LRP10: variants seen among roughly 807,000 people sequenced by gnomAD.
The protein encoded by LRP10 is low-density lipoprotein receptor-related protein 10.
Under a neutral mutation model 58.5 loss-of-function variants are expected in LRP10, and 42 were observed. The ratio of observed to expected loss-of-function variants is 0.72; its 90% CI spans 0.56 to 0.93. The LOEUF (loss-of-function observed/expected upper bound fraction) is 0.93. LRP10 is among the 40% of genes least tolerant of loss of function. LRP10 has a pLI of 0.00. For synonymous variants in LRP10, 377 were observed against 388.5 expected (o/e 0.97, Z 0.35); for missense variants, 872 against 940.1 (o/e 0.93, Z 0.95).
chr14:22,873,336 C>T lies in LRP10; in HGVS notation c.105C>T (p.Leu35=), dbSNP rs1360408227. Residue 35 remains leucine (L), a synonymous_variant, in exon 3 of 7, where the codon CTC becomes CTT. Transcript: ENST00000359591. ...CTTGTGAGGACCCCCCAGCAGTGCT[C>T]TTAGAAGTGCAGGGCACCTTACAGA... ...NHACEDPPAV[L]LEVQGTLQRP... is the part of the protein sequence containing the mutation. The T allele has an allele frequency of 6.2e-7, 1 of 1,614,110 alleles. No homozygotes were observed. The highest frequency in any genetic ancestry group is 8.5e-7 in the Non-Finnish European group (1 of 1,179,994).
chr14:22,876,350 G>A lies in LRP10; in HGVS notation c.1402G>A (p.Ala468Thr). ...IALGCTCKLYAIRTQEYSIFA... is the reference protein window; with the variant it reads ...IALGCTCKLYTIRTQEYSIFA... The stretch of plus-strand genomic sequence containing the variant: ...CCTGGGCTGCACCTGCAAGCTCTAT[G>A]CCATTCGCACCCAGGAGTACAGGTC... The change falls in exon 5 of 7, where the codon GCC becomes ACC. Residue 468 changes from alanine to threonine, a missense_variant. Physicochemically the swap from Ala to Thr is moderately conservative, Grantham distance 58 (BLOSUM62 0). Coordinates refer to ENST00000359591, the MANE Select transcript of LRP10 (RefSeq NM_014045.5). The A allele has an allele frequency of 6.2e-7, 1 of 1,613,954 alleles. No individual in the cohort carries two copies. The highest frequency in any genetic ancestry group is 8.5e-7 in the Non-Finnish European group (1 of 1,180,010).
chr14:22,876,603 G>A (rs1170919500), intron 5 of LRP10, 86 bp from the exon 6 acceptor site: 7 of 1,542,178 alleles, frequency 4.5e-6, no homozygotes, highest in Non-Finnish European at 5.3e-6. Flanking sequence ...CCTGGCCCGG[G>A]TGTGGAAGTG....
Position 22,872,770 on chromosome 14 carries a change from T to C in LRP10, c.67T>C (p.Phe23Leu). Residue 23 changes from phenylalanine (F) to leucine (L), a missense_variant, in exon 2 of 7, where the codon TTT becomes CTT. Transcript: ENST00000359591. ...GALAHPDRIIFPNHACEDPPA... is the reference protein window; with the variant it reads ...GALAHPDRIILPNHACEDPPA... ...TCTGGCCCATCCAGACCGGATTATT[T>C]TTCCAAATCATGGTGAGTTGAGGGA... 9 of 1,614,148 alleles carry C rather than the reference T, an allele frequency of 5.6e-6. No homozygotes were observed. The highest frequency in any genetic ancestry group is 7.6e-6 in the Non-Finnish European group (9 of 1,180,016).
In LRP10 at chr14:22,872,801, T is replaced by A; in HGVS notation, c.79+19T>A. The A allele has an allele frequency of 6.2e-7, 1 of 1,613,800 alleles. No individual in the cohort carries two copies. On this transcript the variant is annotated intron_variant, in intron 2 of 6. Coordinates refer to ENST00000359591, the MANE Select transcript of LRP10 (RefSeq NM_014045.5). Reference sequence around the variant, plus strand: ...AATCATGGTGAGTTGAGGGAACCTCTGGGGCTCCGTGGGCTTGGGAATGAG... The same window carrying A: ...AATCATGGTGAGTTGAGGGAACCTCAGGGGCTCCGTGGGCTTGGGAATGAG...
chr14:22,875,336 C>T lies in LRP10; in HGVS notation c.407-19C>T. ...AGGGTTCTGGTGCTTCACAGCCCCTCTCCATGGTGCCTCTGCAGATTGGCT... is the reference window on the plus strand; with the variant it reads ...AGGGTTCTGGTGCTTCACAGCCCCTTTCCATGGTGCCTCTGCAGATTGGCT... On this transcript the variant is annotated intron_variant, in intron 4 of 6. Coordinates refer to ENST00000359591, the MANE Select transcript of LRP10 (RefSeq NM_014045.5). 4 of 1,602,818 alleles carry T rather than the reference C, an allele frequency of 2.5e-6. No individual in the cohort carries two copies. The East Asian group carries it at 8.9e-5, about 36-fold the overall frequency.
At chr14:22,872,701 T>C (rs534519980) in intron 1 of LRP10, 37 bp from the exon 2 acceptor site, 1 of 1,603,424 alleles carries the variant, frequency 6.2e-7, no homozygotes, top group East Asian at 2.2e-5. Context: ...TCCTAAGGAG[T>C]GTCTCACGCT....
rs1380624466 is a variant in LRP10, at chr14:22,873,329, C to G, written c.98C>G (p.Ala33Gly). The G allele has an allele frequency of 1.2e-6, 2 of 1,613,974 alleles. No homozygotes were observed. Among genetic ancestry groups the G allele is most frequent in the African/African-American group, 2.7e-5 (2 of 74,922 alleles). ...FPNHACEDPP[A>G]VLLEVQGTLQ... The stretch of plus-strand genomic sequence containing the variant: ...TCTCCAGCTTGTGAGGACCCCCCAG[C>G]AGTGCTCTTAGAAGTGCAGGGCACC... Residue 33 changes from alanine to glycine, a missense_variant, in exon 3 of 7, where the codon GCA becomes GGA. By Grantham distance (60) the Ala-to-Gly change is moderately conservative. Coordinates refer to ENST00000359591, the MANE Select transcript of LRP10 (RefSeq NM_014045.5).
In LRP10 at chr14:22,877,698, C is replaced by T. The variant is rs2040023439; in HGVS notation, c.*171C>T. 2 of 558,882 alleles carry T rather than the reference C, an allele frequency of 3.6e-6. No individual in the cohort carries two copies. The highest frequency in any genetic ancestry group is 6.2e-6 in the Non-Finnish European group (2 of 321,190). 34.6% of individuals were successfully genotyped at this position (558,882 alleles called of 1,614,324 possible). Reference sequence around the variant, plus strand: ...ATGTAGCTGCTATAAAGTTAAGTGTCCCTCAGGCAGGGAGAGGGCTCACAG... The same window carrying T: ...ATGTAGCTGCTATAAAGTTAAGTGTTCCTCAGGCAGGGAGAGGGCTCACAG... On this transcript the variant is annotated 3_prime_UTR_variant, in exon 7 of 7. Coordinates refer to ENST00000359591, the MANE Select transcript of LRP10 (RefSeq NM_014045.5). The surrounding 1 kb of genome is among the most constrained non-coding windows in gnomAD (Gnocchi z 5.1).
rs1180754542 is a variant in LRP10, at chr14:22,880,722, T to A, written c.*3195T>A. On this transcript the variant is annotated 3_prime_UTR_variant, in exon 7 of 7. Coordinates refer to ENST00000359591, the MANE Select transcript of LRP10 (RefSeq NM_014045.5). Reference sequence around the variant, plus strand: ...CCTAGGTGGTTAGAGAGTGAGTGCCTGGATGGGGCGCAGTGGCTCACACCT... The same window carrying A: ...CCTAGGTGGTTAGAGAGTGAGTGCCAGGATGGGGCGCAGTGGCTCACACCT... The A allele has an allele frequency of 6.6e-6, 1 of 151,822 alleles. No homozygotes were observed. The highest frequency in any genetic ancestry group is 1.9e-4 in the East Asian group (1 of 5,158). The allele number at this position is 151,822 out of a possible 1,614,324, so 9.4% of individuals were successfully genotyped here. A position where few individuals can be genotyped will look rare whatever the true frequency, so the allele number is the denominator to read the frequency against.
chr14:22,872,677 G>A, intron 1 of LRP10, 61 bp from the exon 2 acceptor site: 1 of 1,560,374 alleles, frequency 6.4e-7, no homozygotes, highest in Non-Finnish European at 8.8e-7. Flanking sequence ...AGTTGCTCAG[G>A]TGAAGAAGAA....
Position 22,875,177 on chromosome 14 carries a change from C to G in LRP10, c.338C>G (p.Thr113Ser). ...CTGCAGCTGCCCGGGGGCAACGTCA[C>G]CATCACTTACAGCTATGCTGGGGCC... ...SPLQLPGGNV[T>S]ITYSYAGARA... is the part of the protein sequence containing the mutation. The change falls in exon 4 of 7, where the codon ACC (threonine) becomes AGC (serine). Residue 113 changes from threonine (T) to serine (S), a missense_variant. By Grantham distance (58) the Thr-to-Ser change is moderately conservative (BLOSUM62 1). Coordinates refer to ENST00000359591, the MANE Select transcript of LRP10 (RefSeq NM_014045.5). The G allele has an allele frequency of 6.2e-7, 1 of 1,613,514 alleles. No homozygotes were observed. The highest frequency in any genetic ancestry group is 8.5e-7 in the Non-Finnish European group (1 of 1,179,710).
chr14:22,872,174 C>A lies in LRP10; in HGVS notation c.-130C>A, dbSNP rs916632677. On this transcript the variant is annotated 5_prime_UTR_variant, in exon 1 of 7. Transcript: ENST00000359591. ...CAGCCCTGGCATCCAGAGTACGGGTCGAGCCCGGGCCATGGAGCCCCCCTG... is the reference window on the plus strand; with the variant it reads ...CAGCCCTGGCATCCAGAGTACGGGTAGAGCCCGGGCCATGGAGCCCCCCTG... 1 of 931,892 alleles carries A rather than the reference C, an allele frequency of 1.1e-6. No individual in the cohort carries two copies. Among genetic ancestry groups the A allele is most frequent in the Admixed American group, 1.9e-5 (1 of 53,530 alleles). The allele number at this position is 931,892 out of a possible 1,614,324, so 57.7% of individuals were successfully genotyped here. A position where few individuals can be genotyped will look rare whatever the true frequency, so the allele number is the denominator to read the frequency against.
chr14:22,872,764 A>T lies in LRP10; in HGVS notation c.61A>T (p.Ile21Phe), dbSNP rs776030094. The change falls in exon 2 of 7, where the codon ATT becomes TTT. Residue 21 changes from isoleucine to phenylalanine, a missense_variant. Transcript: ENST00000359591. ...LGGALAHPDR[I>F]IFPNHACEDP... ...AGGCGCTCTGGCCCATCCAGACCGGATTATTTTTCCAAATCATGGTGAGTT... is the reference window on the plus strand; with the variant it reads ...AGGCGCTCTGGCCCATCCAGACCGGTTTATTTTTCCAAATCATGGTGAGTT... 42 of 1,614,018 alleles carry T rather than the reference A, an allele frequency of 2.6e-5. No homozygotes were observed. The highest frequency in any genetic ancestry group is 3.4e-5 in the Non-Finnish European group (40 of 1,179,984).
chr14:22,872,859 A>G, intron 2 of LRP10, 77 bp downstream of exon 2: 7 of 1,461,468 alleles, frequency 4.8e-6, no homozygotes, highest in Non-Finnish European at 6.7e-6. Flanking sequence ...TGTTCCCTGA[A>G]TTCCATGGGA....
At position 22,877,575 on chromosome 14, in the gene LRP10, A is replaced by G; in HGVS notation, c.*48A>G. ...GGCCTCTCCCCTGGGGGCTCTACTC[A>G]TAGTGGCACAACCTTTTAGAGGTGG... On this transcript the variant is annotated 3_prime_UTR_variant, in exon 7 of 7. Coordinates refer to ENST00000359591, the MANE Select transcript of LRP10 (RefSeq NM_014045.5). The surrounding 1 kb of genome is among the most constrained non-coding windows in gnomAD (Gnocchi z 5.1). 7.2e-7 allele frequency: 1 copy of G among 1,392,892 alleles called. No individual in the cohort carries two copies. Among genetic ancestry groups the G allele is most frequent in the Non-Finnish European group, 9.6e-7 (1 of 1,046,070 alleles). The allele number at this position is 1,392,892 out of a possible 1,614,324, so 86.3% of individuals were successfully genotyped here. A position where few individuals can be genotyped will look rare whatever the true frequency, so the allele number is the denominator to read the frequency against.
intron 5 of LRP10, 150 bp downstream of exon 5, chr14:22,876,522 C>T: frequency 7.5e-6 from 10 of 1,325,554 alleles, no homozygotes; most frequent in Non-Finnish European, 1.0e-5. Context: ...AGGTCCAGAT[C>T]CTGAAAGCAG....
rs1404922620 is a variant in LRP10 at position 22,881,134 on chromosome 14, A to G, written c.*3607A>G. 6.6e-6 allele frequency: 1 copy of G among 152,246 alleles called. No homozygotes were observed. Among genetic ancestry groups the G allele is most frequent in the Admixed American group, 6.5e-5 (1 of 15,284 alleles). The allele number at this position is 152,246 out of a possible 1,614,324, so 9.4% of individuals were successfully genotyped here. ...GCTCAGGAGGAGCTTTAGGGAAATCAGAAGACTGGCCCAGTCTCTACCAAG... is the reference window on the plus strand; with the variant it reads ...GCTCAGGAGGAGCTTTAGGGAAATCGGAAGACTGGCCCAGTCTCTACCAAG... On this transcript the variant is annotated 3_prime_UTR_variant, in exon 7 of 7. Transcript: ENST00000359591.
intron 5 of LRP10, 41 bp from the exon 6 acceptor site, chr14:22,876,648 C>G: frequency 6.2e-7 from 1 of 1,601,854 alleles, no homozygotes; most frequent in Non-Finnish European, 8.5e-7. Context: ...TCTACTCTGG[C>G]CGAGAACTAC....
intron 1 of LRP10, 113 bp downstream of exon 1, chr14:22,872,450 G>A: frequency 7.9e-7 from 1 of 1,262,622 alleles, no homozygotes; most frequent in Non-Finnish European, 1.1e-6. Flanking sequence ...CCCAGCCCCT[G>A]CCGCCAGCCC....
Sources: gnomAD v4.1 joint callset for allele counts on GRCh38, gnomAD v4.1.1 for gene constraint, Gnocchi (gnomAD v3.1) non-coding constraint, MANE v1.5 for transcripts, NCBI Gene and HGNC (gene_info 2026-07-23, HGNC 2026-07-21) for gene names.